SHROOM3: variants seen among roughly 807,000 people sequenced by gnomAD.
The protein encoded by SHROOM3 is protein Shroom3.
SHROOM3 carries 47 observed loss-of-function variants against 138.6 expected under a neutral mutation model. The ratio of observed to expected loss-of-function variants is 0.34; its 90% confidence interval spans 0.27 to 0.43. The LOEUF (loss-of-function observed/expected upper bound fraction) is 0.43. Among genes scored for constraint, SHROOM3 ranks in the 20% least tolerant of loss-of-function variants. SHROOM3 has a pLI of 1.00. For synonymous variants in SHROOM3, 1,062 were observed against 1,063.3 expected (o/e 1.00, Z 0.02); for missense variants, 2,491 against 2,596.5 (o/e 0.96, Z 0.88).
intron 2 of SHROOM3, among the ~76,000 whole-genome samples, chr4:76,570,608 C>G (rs1322701756): frequency 6.6e-6 from 1 of 152,160 alleles, no homozygotes; most frequent in Non-Finnish European, 1.5e-5. Flanking sequence ...TTAAGACTCA[C>G]CGTGTTTTCT....
At chr4:76,531,520 G>A (rs1345089103) in intron 1 of SHROOM3, among the ~76,000 whole-genome samples, 1 of 152,110 alleles carries the variant, frequency 6.6e-6, no homozygotes, top group East Asian at 1.9e-4. Flanking sequence ...CAGTTCTTGA[G>A]GAGGTACTTG....
At chr4:76,774,648 C>T (rs1722484021) in intron 10 of SHROOM3, among the ~76,000 whole-genome samples, 2 of 149,818 alleles carry the variant, frequency 1.3e-5, no homozygotes, top group South Asian at 4.2e-4. Context: ...TTTTAACTTA[C>T]ATCTCAATGA....
Position 76,604,665 on chromosome 4 carries a change from A to G in SHROOM3, c.323+48902A>G, listed in dbSNP as rs77046916. Among the ~76,000 whole-genome samples the G allele has an allele frequency of 9.2e-3, 1,396 of 152,328 alleles. 27 individuals carry two copies. Among genetic ancestry groups the G allele is most frequent in the African/African-American group, 0.032 (1,333 of 41,570 alleles). On this transcript the variant is annotated intron_variant, in intron 2 of 10. Transcript: ENST00000296043. ...CATTGTTTTTTAAGCATTGATGTTGATAATTGTTAGACAATGTCTGAAACT... is the reference window on the plus strand; with the variant it reads ...CATTGTTTTTTAAGCATTGATGTTGGTAATTGTTAGACAATGTCTGAAACT...
intron 1 of SHROOM3, among the ~76,000 whole-genome samples, chr4:76,478,518 A>C (rs1390916543): frequency 6.6e-6 from 1 of 152,240 alleles, no homozygotes; most frequent in Non-Finnish European, 1.5e-5. Flanking sequence ...CCTGGGACAG[A>C]GCACCTGGGG....
At chr4:76,651,780 G>A (rs1735967398) in intron 2 of SHROOM3, among the ~76,000 whole-genome samples, 1 of 152,108 alleles carries the variant, frequency 6.6e-6, no homozygotes, top group African/African-American at 2.4e-5. Context: ...CAAAAGATAT[G>A]TTTAATGGCA....
At chr4:76,706,659 G>A (rs951224150) in intron 2 of SHROOM3, among the ~76,000 whole-genome samples, 1 of 152,134 alleles carries the variant, frequency 6.6e-6, no homozygotes, top group Non-Finnish European at 1.5e-5. Flanking sequence ...GAGGACCCAC[G>A]TAGTTCAAGC....
At chr4:76,672,026 G>T (rs1718898109) in intron 2 of SHROOM3, among the ~76,000 whole-genome samples, 2 of 152,032 alleles carry the variant, frequency 1.3e-5, no homozygotes, top group Non-Finnish European at 2.9e-5. Context: ...AACATATATT[G>T]ACTTTTGTTA....
At chr4:76,464,533 A>G (rs1046059541) in intron 1 of SHROOM3, among the ~76,000 whole-genome samples, 1 of 152,144 alleles carries the variant, frequency 6.6e-6, no homozygotes, top group East Asian at 1.9e-4. Flanking sequence ...TTGGGAAGGC[A>G]TAATTATGTT....
chr4:76,559,216 T>C (rs887306592), intron 2 of SHROOM3: 3 of 152,192 alleles, frequency 2.0e-5, no homozygotes, highest in Admixed American at 6.5e-5. Context: ...CCTTTACATC[T>C]GACACATGCT....
intron 9 of SHROOM3, among the ~76,000 whole-genome samples, chr4:76,762,108 G>GA (rs778933945): frequency 2.7e-4 from 41 of 150,944 alleles, no homozygotes; most frequent in Non-Finnish European, 3.8e-4. Context: ...GAATTCAGAA[G>GA]AAAAAAAAAT....
At chr4:76,709,203 C>T (rs1720154595) in intron 2 of SHROOM3, among the ~76,000 whole-genome samples, 1 of 152,254 alleles carries the variant, frequency 6.6e-6, no homozygotes. Flanking sequence ...CCCCTCTCAG[C>T]CATGGCCTGT....
At chr4:76,764,246 C>CA (rs1233443145) in intron 9 of SHROOM3, among the ~76,000 whole-genome samples, 1 of 152,086 alleles carries the variant, frequency 6.6e-6, no homozygotes, top group African/African-American at 2.4e-5. Context: ...AAACTAAAGA[C>CA]AGTGTAAATA....
rs769911903 is a variant in SHROOM3 at position 76,754,837 on chromosome 4, G to A, written c.4354G>A (p.Ala1452Thr). 3 of 1,613,986 alleles carry A rather than the reference G, an allele frequency of 1.9e-6. No homozygotes were observed. Among genetic ancestry groups the A allele is most frequent in the Non-Finnish European group, 2.5e-6 (3 of 1,180,014 alleles). ...LPEESSAPDF[A>T]NLKHYQKQQS... is the part of the protein sequence containing the mutation. ...TGAGGAATCCTCAGCCCCTGATTTT[G>A]CAAACCTGAAGCACTATCAAAAACA... Residue 1452 changes from alanine to threonine, a missense_variant, in exon 7 of 11, where the codon GCA (alanine) becomes ACA (threonine). Ala to Thr is a moderately conservative substitution (Grantham distance 58). Coordinates refer to ENST00000296043, the MANE Select transcript of SHROOM3 (RefSeq NM_020859.4).
chr4:76,495,196 G>A (rs1307662818), intron 1 of SHROOM3, among the ~76,000 whole-genome samples: 1 of 152,192 alleles, frequency 6.6e-6, no homozygotes, highest in Non-Finnish European at 1.5e-5. Context: ...TGTAAGCGTG[G>A]ACACTGTAAA....
intron 2 of SHROOM3, 52 bp downstream of exon 2, chr4:76,555,815 T>C (rs756240715): frequency 1.9e-6 from 3 of 1,587,486 alleles, no homozygotes; most frequent in Middle Eastern, 1.8e-4. Context: ...CCCACCTCTC[T>C]CCCTACCCTA....
At chr4:76,777,522 A>G (rs953996399) in intron 10 of SHROOM3, among the ~76,000 whole-genome samples, 3 of 152,202 alleles carry the variant, frequency 2.0e-5, no homozygotes, top group Admixed American at 6.5e-5. Context: ...TTCTAGGTAT[A>G]GGATCATATC....
At position 76,572,985 on chromosome 4, in the gene SHROOM3, G is replaced by A. The variant is rs377153599; in HGVS notation, c.323+17222G>A. Among the ~76,000 whole-genome samples, 16 of 152,134 alleles carry A rather than the reference G, an allele frequency of 1.1e-4. No homozygotes were observed. In the East Asian group the frequency reaches 2.7e-3, roughly 26 times the overall value. ...TAGTCCCAGCTGCTTGGGAGGCTGA[G>A]GCAGGAGAATTGCTTGAACCCAAGA... is the stretch of plus-strand genomic sequence containing the variant. On this transcript the variant is annotated intron_variant, in intron 2 of 10. Transcript: ENST00000296043.
chr4:76,620,731 T>C (rs1360541954), intron 2 of SHROOM3, among the ~76,000 whole-genome samples: 1 of 152,064 alleles, frequency 6.6e-6, no homozygotes, highest in Non-Finnish European at 1.5e-5. Context: ...TGTGTGGCAA[T>C]GTTCAGCTCT....
intron 1 of SHROOM3, among the ~76,000 whole-genome samples, chr4:76,486,924 C>CT (rs1031906145): frequency 2.6e-5 from 4 of 151,822 alleles, no homozygotes; most frequent in Non-Finnish European, 5.9e-5. Flanking sequence ...AAAAAAAAAC[C>CT]TTTTTGAGAC....
Sources: allele counts gnomAD v4.1 joint callset (sites outside exome capture counted in the v4.1 genomes callset), GRCh38; gene constraint gnomAD v4.1.1; transcripts MANE v1.5; gene names NCBI Gene and HGNC (gene_info 2026-07-23, HGNC 2026-07-21).